FBXL17: variants seen among roughly 807,000 people sequenced by gnomAD.
The protein encoded by FBXL17 is F-box and leucine rich repeat protein 17.
FBXL17 carries 22 observed loss-of-function variants against 66.2 expected under a neutral mutation model. That is an observed-to-expected ratio of 0.33 (90% CI 0.24 to 0.47). The LOEUF is 0.47. Ranked by LOEUF, FBXL17 falls within the 20% of genes least tolerant of loss-of-function variation. The probability of loss-of-function intolerance (pLI) is 1.00; values close to 1 mark genes in which losing one functional copy is unlikely to be tolerated. For synonymous variants in FBXL17, 474 were observed against 400.5 expected (o/e 1.18, Z -2.19); for missense variants, 878 against 948.2 (o/e 0.93, Z 0.97).
intron 6 of FBXL17, among the ~76,000 whole-genome samples, chr5:108,097,774 G>C (rs1420134065): frequency 7.5e-6 from 1 of 133,064 alleles, no homozygotes; most frequent in African/African-American, 2.8e-5. Flanking sequence ...GGAAGACAGA[G>C]CGAGACTCCA....
chr5:107,993,961 G>T (rs1358294475), intron 7 of FBXL17, among the ~76,000 whole-genome samples: 5 of 151,892 alleles, frequency 3.3e-5, no homozygotes, highest in African/African-American at 1.2e-4. Context: ...TCCCTCTCAG[G>T]GCTGTGGTAT....
intron 4 of FBXL17, among the ~76,000 whole-genome samples, chr5:108,320,026 A>C (rs1381801818): frequency 6.6e-6 from 1 of 151,830 alleles, no homozygotes; most frequent in Non-Finnish European, 1.5e-5. Flanking sequence ...ACCTCAAAAA[A>C]CATTTTCTAA....
chr5:108,181,710 G>A (rs1041996216), intron 6 of FBXL17, among the ~76,000 whole-genome samples: 5 of 152,042 alleles, frequency 3.3e-5, no homozygotes, highest in Non-Finnish European at 7.4e-5. Flanking sequence ...ATAAATCTTT[G>A]TAATAGGTAT....
intron 1 of FBXL17, among the ~76,000 whole-genome samples, chr5:108,372,663 T>C (rs1749122417): frequency 1.3e-5 from 2 of 152,072 alleles, no homozygotes; most frequent in African/African-American, 4.8e-5. Flanking sequence ...GAATCCTCTA[T>C]CTGGTAAAAC....
At chr5:108,021,857 G>A (rs947498021) in intron 6 of FBXL17, among the ~76,000 whole-genome samples, 16 of 151,676 alleles carry the variant, frequency 1.1e-4, no homozygotes, top group Non-Finnish European at 1.8e-4. Flanking sequence ...ATAAATAACA[G>A]TTAAGTAAAA....
At chr5:108,220,526 A>G (rs76938202) in intron 5 of FBXL17, among the ~76,000 whole-genome samples, 3,834 of 152,280 alleles carry the variant, frequency 0.025, 71 homozygotes, top group Non-Finnish European at 0.035. Flanking sequence ...TTCAGGAAAG[A>G]GTAAATTTGG....
chr5:108,140,165 C>T (rs1751296817), intron 6 of FBXL17, among the ~76,000 whole-genome samples: 1 of 152,162 alleles, frequency 6.6e-6, no homozygotes, highest in South Asian at 2.1e-4. Flanking sequence ...CCTGCCTCAT[C>T]CTGCCAAGTA....
rs1748672825 is a variant in FBXL17, at chr5:107,878,249, T to C, written c.1965+2788A>G. ...AGTCTGAATTTATTTTTTTCCTTTCTTTTTAATTGTCTTTCAAAATGGGAT... is the reference window on the plus strand; with the variant it reads ...AGTCTGAATTTATTTTTTTCCTTTCCTTTTAATTGTCTTTCAAAATGGGAT... On this transcript the variant is annotated intron_variant, in intron 8 of 8. Coordinates refer to ENST00000542267, the MANE Select transcript of FBXL17 (RefSeq NM_001163315.3). The C allele has an allele frequency of 5.2e-6, 5 of 964,270 alleles. No individual in the cohort carries two copies. In the South Asian group the frequency reaches 1.9e-4, roughly 37 times the overall value. The allele number at this position is 964,270 out of a possible 1,614,324, so 59.7% of individuals were successfully genotyped here.
intron 6 of FBXL17, among the ~76,000 whole-genome samples, chr5:108,132,873 T>A (rs959544317): frequency 1.3e-5 from 2 of 152,066 alleles, no homozygotes; most frequent in Admixed American, 6.6e-5. Flanking sequence ...CATAAGAACA[T>A]CTCCATTTGG....
At chr5:108,165,226 A>G (rs1299601663) in intron 6 of FBXL17, among the ~76,000 whole-genome samples, 1 of 152,208 alleles carries the variant, frequency 6.6e-6, no homozygotes, top group Non-Finnish European at 1.5e-5. Context: ...AGTTATTAAA[A>G]CAAAAAGAAG....
chr5:108,261,198 G>A (rs1015766577), intron 4 of FBXL17, among the ~76,000 whole-genome samples: 11 of 151,610 alleles, frequency 7.3e-5, no homozygotes, highest in African/African-American at 2.7e-4. Context: ...TGAAAGAAAA[G>A]GCAAGGAACA....
chr5:108,063,427 A>T (rs531726395), intron 6 of FBXL17, among the ~76,000 whole-genome samples: 122 of 152,342 alleles, frequency 8.0e-4, no homozygotes, highest in African/African-American at 2.8e-3. Flanking sequence ...CAAGTACAGT[A>T]TAAGATCATA....
intron 4 of FBXL17, among the ~76,000 whole-genome samples, chr5:108,295,809 A>T (rs1758323053): frequency 6.6e-6 from 1 of 151,914 alleles, no homozygotes; most frequent in Non-Finnish European, 1.5e-5. Context: ...GAAAGGAAAA[A>T]AGTAAGGCTT....
intron 3 of FBXL17, 60 bp downstream of exon 3, chr5:108,364,678 T>C: frequency 7.4e-7 from 1 of 1,349,420 alleles, no homozygotes; most frequent in African/African-American, 1.5e-5. Context: ...TAAAATGTTG[T>C]TGCTAGAAAA....
intron 8 of FBXL17, among the ~76,000 whole-genome samples, chr5:107,868,862 A>C (rs1318904368): frequency 6.6e-6 from 1 of 152,046 alleles, no homozygotes; most frequent in African/African-American, 2.4e-5. Flanking sequence ...CATATTTTTC[A>C]GAGAAGAAAG....
At chr5:108,350,417 C>A (rs1476814419) in intron 3 of FBXL17, among the ~76,000 whole-genome samples, 1 of 152,164 alleles carries the variant, frequency 6.6e-6, no homozygotes, top group Non-Finnish European at 1.5e-5. Context: ...AACGTTTATA[C>A]AGTGAAAACG....
intron 6 of FBXL17, among the ~76,000 whole-genome samples, chr5:108,161,018 T>C (rs146605819): frequency 6.9e-4 from 105 of 152,262 alleles, no homozygotes; most frequent in African/African-American, 2.5e-3. Context: ...AGCCTCCACA[T>C]TGGGAAACAC....
chr5:108,247,213 T>C (rs1354650846), intron 4 of FBXL17, among the ~76,000 whole-genome samples: 2 of 152,024 alleles, frequency 1.3e-5, no homozygotes, highest in East Asian at 3.9e-4. Flanking sequence ...AAGCAATTGG[T>C]TTTATGTATT....
At chr5:107,901,922 C>A (rs147691411) in intron 7 of FBXL17, among the ~76,000 whole-genome samples, 4 of 152,104 alleles carry the variant, frequency 2.6e-5, no homozygotes, top group Non-Finnish European at 1.5e-5. Flanking sequence ...TTCCCAAGAA[C>A]GAATACCTTT....
Sources: gnomAD v4.1 joint callset for allele counts (sites outside exome capture counted in the v4.1 genomes callset) on GRCh38, gnomAD v4.1.1 for gene constraint, MANE v1.5 for transcripts, NCBI Gene and HGNC (gene_info 2026-07-23, HGNC 2026-07-21) for gene names.